Variants in ZGPAT observed in about 807,000 individuals in gnomAD.
The protein encoded by ZGPAT is zinc finger CCCH-type with G patch domain-containing protein.
ZGPAT carries 39 observed loss-of-function variants against 47.9 expected under a neutral mutation model. The observed-to-expected ratio is 0.81, with a 90% confidence interval of 0.63 to 1.06. The LOEUF is 1.06. Ranked by LOEUF, ZGPAT falls within the 50% of genes least tolerant of loss-of-function variation. The probability of loss-of-function intolerance (pLI) is 0.00; values close to 1 mark genes in which losing one functional copy is unlikely to be tolerated. For missense variants in ZGPAT, 717 were observed against 681.4 expected, an observed-to-expected ratio of 1.05 and a Z score of -0.58; for synonymous variants, 348 against 292.9, an observed-to-expected ratio of 1.19 and a Z score of -1.92.
At position 63,735,282 on chromosome 20, in the gene ZGPAT, C is replaced by T. The variant is rs760436621; in HGVS notation, c.1115C>T (p.Thr372Ile). 11 of 1,606,022 alleles carry T rather than the reference C, an allele frequency of 6.8e-6. No individual in the cohort carries two copies. Among genetic ancestry groups the T allele is most frequent in the South Asian group, 1.1e-5 (1 of 90,024 alleles). The part of the protein sequence containing the change: ...QKQTRVGKAG[T>I]NKPPRCRGRG... ...CAGACCAGGGTTGGCAAGGCTGGCA[C>T]CAACAAGCCCCCCAGGTGCCGGGGA... Residue 372 changes from threonine to isoleucine, a missense_variant, in exon 6 of 7, where the codon ACC becomes ATC. Coordinates refer to ENST00000355969, the MANE Select transcript of ZGPAT (RefSeq NM_181485.3).
Position 63,708,070 on chromosome 20 carries a change from T to G in ZGPAT, c.-77T>G, listed in dbSNP as rs933246274. On this transcript the variant is annotated 5_prime_UTR_variant, in exon 1 of 7. Transcript: ENST00000355969. ...GGAAGCGGCGGCGCTCGGGAGGAAG[T>G]GCCGATCGGCTGCTGGGGCGAAAAG... is the stretch of plus-strand genomic sequence containing the variant. 1 of 151,980 alleles carries G rather than the reference T, an allele frequency of 6.6e-6. No homozygotes were observed. 9.4% of individuals were successfully genotyped at this position (151,980 alleles called of 1,614,324 possible).
intron 1 of ZGPAT, among the ~76,000 whole-genome samples, 165 bp from the exon 2 acceptor site, chr20:63,708,388 G>A (rs937358925): frequency 8.9e-4 from 136 of 152,250 alleles, no homozygotes; most frequent in South Asian, 4.6e-3. Flanking sequence ...GAAGGGAAGC[G>A]CGGAGCCTGA....
chr20:63,735,032 C>A (rs2091966024), intron 5 of ZGPAT, 127 bp from the exon 6 acceptor site: 3 of 1,371,434 alleles, frequency 2.2e-6, no homozygotes, highest in Admixed American at 3.0e-5. Context: ...GGTCCTACGG[C>A]CACAGCACTG....
intron 4 of ZGPAT, 27 bp from the exon 5 acceptor site, chr20:63,734,678 C>T: frequency 6.2e-7 from 1 of 1,612,146 alleles, no homozygotes; most frequent in Non-Finnish European, 8.5e-7. Flanking sequence ...TCTGCACAGT[C>T]CTCTGCCCTC....
chr20:63,730,063 C>G (rs2091882395), intron 2 of ZGPAT: 1 of 139,762 alleles, frequency 7.2e-6, no homozygotes, highest in African/African-American at 2.7e-5. Context: ...AATAGAAGCA[C>G]TTTCTGGGTT....
At chr20:63,731,421 A>G (rs939912610) in intron 2 of ZGPAT, among the ~76,000 whole-genome samples, 3 of 144,852 alleles carry the variant, frequency 2.1e-5, no homozygotes, top group African/African-American at 5.2e-5. Flanking sequence ...GTATGTGTGC[A>G]TGTGCATACG....
intron 2 of ZGPAT, among the ~76,000 whole-genome samples, chr20:63,715,274 C>G (rs2091715228): frequency 6.8e-6 from 1 of 146,550 alleles, no homozygotes; most frequent in Non-Finnish European, 1.5e-5. Context: ...CAGAGTCTCA[C>G]TCTGTCGCCG....
intron 2 of ZGPAT, among the ~76,000 whole-genome samples, chr20:63,732,294 TG>T (rs2091914893): frequency 7.7e-6 from 1 of 129,186 alleles, no homozygotes; most frequent in Admixed American, 7.8e-5. Context: ...AGGGCGTGTG[TG>T]TGTGCATGTG....
chr20:63,710,539 C>T (rs553597989), intron 2 of ZGPAT, among the ~76,000 whole-genome samples: 183 of 152,330 alleles, frequency 1.2e-3, no homozygotes, highest in Non-Finnish European at 2.3e-3. Flanking sequence ...GAGAGTTTAG[C>T]ATAATCACCG....
chr20:63,734,898 CG>C, intron 5 of ZGPAT, 74 bp downstream of exon 5: 2 of 1,488,184 alleles, frequency 1.3e-6, no homozygotes, highest in Non-Finnish European at 1.8e-6. Flanking sequence ...ATCAGGTTCC[CG>C]GGGTCCCGCA....
intron 2 of ZGPAT, among the ~76,000 whole-genome samples, chr20:63,711,886 A>G (rs2091672618): frequency 6.6e-6 from 1 of 152,180 alleles, no homozygotes; most frequent in Non-Finnish European, 1.5e-5. Flanking sequence ...CACCCGGCCC[A>G]GGATTTCTTT....
chr20:63,728,679 C>T (rs1433408223), intron 2 of ZGPAT, among the ~76,000 whole-genome samples: 2 of 152,192 alleles, frequency 1.3e-5, no homozygotes, highest in Non-Finnish European at 2.9e-5. Context: ...GATCACAGCC[C>T]CAAATGATCA....
chr20:63,723,709 C>T (rs2091814544), intron 2 of ZGPAT, among the ~76,000 whole-genome samples: 1 of 152,230 alleles, frequency 6.6e-6, no homozygotes, highest in Non-Finnish European at 1.5e-5. Flanking sequence ...TGTATTATTG[C>T]CATATATACA....
chr20:63,717,993 G>A (rs1442109233), intron 2 of ZGPAT, among the ~76,000 whole-genome samples: 1 of 151,982 alleles, frequency 6.6e-6, no homozygotes. Context: ...CAGTGAGCCA[G>A]GATCACACCA....
chr20:63,717,814 G>A (rs1568789138), intron 2 of ZGPAT, among the ~76,000 whole-genome samples: 1 of 152,120 alleles, frequency 6.6e-6, no homozygotes, highest in Non-Finnish European at 1.5e-5. Flanking sequence ...AGGCCAAGGT[G>A]GGTGGATCAC....
At chr20:63,730,937 TC>T (rs2091892298) in intron 2 of ZGPAT, among the ~76,000 whole-genome samples, 1 of 72,756 alleles carries the variant, frequency 1.4e-5, no homozygotes, top group Non-Finnish European at 2.5e-5. Context: ...TCTCTCTCTC[TC>T]TCTCTCTCTC....
chr20:63,733,653 G>T lies in ZGPAT; in HGVS notation c.785G>T (p.Gly262Val), dbSNP rs1474715853. The change falls in exon 4 of 7, where the codon GGG (glycine) becomes GTG (valine). Residue 262 changes from glycine to valine, a missense_variant. Gly to Val is a moderately radical substitution (Grantham distance 109). Coordinates refer to ENST00000355969, the MANE Select transcript of ZGPAT (RefSeq NM_181485.3). ...SLLLREAVVE[G>V]DGILPPLRTE... is the part of the protein sequence containing the mutation. The stretch of plus-strand genomic sequence containing the variant: ...CTGCTGAGGGAGGCCGTGGTGGAGG[G>T]GGACGGCATCCTGCCCCCACTGCGC... The T allele has an allele frequency of 1.2e-6, 2 of 1,613,892 alleles. No individual in the cohort carries two copies. The highest frequency in any genetic ancestry group is 1.3e-5 in the African/African-American group (1 of 74,926).
intron 2 of ZGPAT, among the ~76,000 whole-genome samples, chr20:63,731,983 T>C (rs1424303640): frequency 2.6e-5 from 4 of 152,240 alleles, no homozygotes; most frequent in Non-Finnish European, 4.4e-5. Context: ...TTGAGCATCC[T>C]TGGATTTTGG....
intron 2 of ZGPAT, among the ~76,000 whole-genome samples, chr20:63,717,932 A>T (rs954058309): frequency 6.6e-6 from 1 of 152,036 alleles, no homozygotes; most frequent in African/African-American, 2.4e-5. Flanking sequence ...AATCCCAGCT[A>T]CTCAGGAGGC....
Sources: allele counts gnomAD v4.1 joint callset (sites outside exome capture counted in the v4.1 genomes callset), GRCh38; gene constraint gnomAD v4.1.1; transcripts MANE v1.5; gene names NCBI Gene and HGNC (gene_info 2026-07-23, HGNC 2026-07-21).